HMGA2: variants seen among roughly 807,000 people sequenced by gnomAD.
HMGA2 encodes high mobility group protein HMGI-C.
In HMGA2, 8 loss-of-function variants were observed where a neutral mutation model predicts 19.1. The observed-to-expected ratio is 0.42, with a 90% CI of 0.25 to 0.76. The LOEUF is 0.76. Among genes scored for constraint, HMGA2 ranks in the 30% least tolerant of loss-of-function variants. The pLI is 0.28. For missense variants in HMGA2, 109 were observed against 136.3 expected (o/e 0.80, Z 1.00); for synonymous variants, 60 against 48.8 (o/e 1.23, Z -0.96).
chr12:65,838,068 G>A (rs1212959583), intron 2 of HMGA2, among the ~76,000 whole-genome samples: 1 of 152,056 alleles, frequency 6.6e-6, no homozygotes, highest in Non-Finnish European at 1.5e-5. Flanking sequence ...TTTGTAAATT[G>A]TAAAGTAATA....
intron 3 of HMGA2, chr12:65,915,245 G>A: frequency 1.3e-6 from 2 of 1,560,656 alleles, no homozygotes; most frequent in South Asian, 2.3e-5. Flanking sequence ...CCTATCAGGT[G>A]TCTTTTAGAT....
intron 3 of HMGA2, among the ~76,000 whole-genome samples, chr12:65,864,451 G>C (rs1341432708): frequency 6.6e-6 from 1 of 152,130 alleles, no homozygotes; most frequent in African/African-American, 2.4e-5. Context: ...TAATAGTGTT[G>C]TCTTCCATCT....
intron 3 of HMGA2, among the ~76,000 whole-genome samples, chr12:65,910,100 G>A (rs1646828872): frequency 6.6e-6 from 1 of 152,208 alleles, no homozygotes; most frequent in Non-Finnish European, 1.5e-5. Flanking sequence ...AACTAGAGGA[G>A]CTAAAGACCA....
chr12:65,874,915 G>A (rs1216525775), intron 3 of HMGA2, among the ~76,000 whole-genome samples: 1 of 152,090 alleles, frequency 6.6e-6, no homozygotes, highest in Non-Finnish European at 1.5e-5. Flanking sequence ...TTTTTCCAGA[G>A]CAAGAAAATT....
intron 3 of HMGA2, among the ~76,000 whole-genome samples, chr12:65,893,080 G>C (rs1410737434): frequency 6.6e-6 from 1 of 152,086 alleles, no homozygotes; most frequent in Admixed American, 6.5e-5. Flanking sequence ...ACTGCACCCC[G>C]GTCACAGGCT....
At chr12:65,919,081 C>G (rs1159062639) in intron 3 of HMGA2, among the ~76,000 whole-genome samples, 1 of 152,166 alleles carries the variant, frequency 6.6e-6, no homozygotes, top group Non-Finnish European at 1.5e-5. Context: ...AGAAGATGGG[C>G]AAACATCAGA....
intron 2 of HMGA2, among the ~76,000 whole-genome samples, chr12:65,835,911 C>T (rs1374267540): frequency 6.6e-6 from 1 of 152,176 alleles, no homozygotes; most frequent in Non-Finnish European, 1.5e-5. Flanking sequence ...ACTGGGTTAA[C>T]TGTGCAATCT....
At chr12:65,906,319 C>A (rs1355808569) in intron 3 of HMGA2, among the ~76,000 whole-genome samples, 4 of 152,076 alleles carry the variant, frequency 2.6e-5, no homozygotes, top group African/African-American at 9.7e-5. Flanking sequence ...TGTCAGGGGT[C>A]ACTTGGGGGG....
chr12:65,825,046 T>TCCTCCTCCTCCTCC lies in HMGA2; in HGVS notation c.-220_-207dup, dbSNP rs1870074194. ...CCGCCACCGGCAGCGCCTCCTCCTCTCCTCCTCCTCCTCCCCTCTTCTCTT... is the reference window on the plus strand; with the variant it reads ...CCGCCACCGGCAGCGCCTCCTCCTCTCCTCCTCCTCCTCCCCTCCTCCTCCTCCCCTCTTCTCTT... On this transcript the variant is annotated 5_prime_UTR_variant, in exon 1 of 5. Coordinates refer to ENST00000403681, the MANE Select transcript of HMGA2 (RefSeq NM_003483.6). This position sits in a 1 kb window ranked among gnomAD's most constrained non-coding sequence, Gnocchi z 4.4. 1 of 421,838 alleles carries TCCTCCTCCTCCTCC rather than the reference T, an allele frequency of 2.4e-6. No individual in the cohort carries two copies. Among genetic ancestry groups the TCCTCCTCCTCCTCC allele is most frequent in the Non-Finnish European group, 4.2e-6 (1 of 236,466 alleles). 26.1% of individuals were successfully genotyped at this position (421,838 alleles called of 1,614,324 possible). A position where few individuals can be genotyped will look rare whatever the true frequency, so the allele number is the denominator to read the frequency against.
At chr12:65,921,797 G>C (rs1875324256) in intron 3 of HMGA2, among the ~76,000 whole-genome samples, 1 of 152,206 alleles carries the variant, frequency 6.6e-6, no homozygotes, top group Non-Finnish European at 1.5e-5. Flanking sequence ...AAGTGGTTTT[G>C]TGGGCCAGGC....
intron 3 of HMGA2, among the ~76,000 whole-genome samples, chr12:65,929,024 T>C (rs182473319): frequency 1.6e-4 from 25 of 152,316 alleles, no homozygotes; most frequent in South Asian, 6.2e-4. Context: ...TCTTACCATT[T>C]TAAGAATTGG....
chr12:65,882,778 A>T (rs1214704215), intron 3 of HMGA2, among the ~76,000 whole-genome samples: 1 of 152,254 alleles, frequency 6.6e-6, no homozygotes, highest in African/African-American at 2.4e-5. Context: ...TATGTGAACC[A>T]GAACTTGAGA....
chr12:65,952,427 T>A (rs74097833), intron 4 of HMGA2: 6 of 1,534,344 alleles, frequency 3.9e-6, no homozygotes, highest in African/African-American at 1.4e-5. Flanking sequence ...AAAATGCCAC[T>A]TAGAAGAGAA....
intron 3 of HMGA2, among the ~76,000 whole-genome samples, chr12:65,950,894 T>G (rs1176697816): frequency 1.3e-5 from 2 of 152,208 alleles, no homozygotes; most frequent in African/African-American, 4.8e-5. Context: ...AGATAACCTA[T>G]GTTGTATTTC....
intron 3 of HMGA2, among the ~76,000 whole-genome samples, chr12:65,904,093 A>G (rs545782270): frequency 6.6e-6 from 1 of 152,362 alleles, no homozygotes; most frequent in Admixed American, 6.5e-5. Context: ...GTAAAGCACT[A>G]GTTAATCAGA....
intron 3 of HMGA2, among the ~76,000 whole-genome samples, chr12:65,860,710 T>C (rs1872013681): frequency 6.6e-6 from 1 of 152,190 alleles, no homozygotes; most frequent in South Asian, 2.1e-4. Flanking sequence ...TTTTGTTTTT[T>C]CAAAAAAGTA....
At chr12:65,898,164 G>A (rs142051592) in intron 3 of HMGA2, among the ~76,000 whole-genome samples, 5 of 152,208 alleles carry the variant, frequency 3.3e-5, no homozygotes, top group Non-Finnish European at 5.9e-5. Flanking sequence ...CCAAGGTGTC[G>A]TGATGCTGTT....
intron 3 of HMGA2, among the ~76,000 whole-genome samples, chr12:65,904,922 A>G (rs12425231): frequency 0.04 from 6,102 of 152,130 alleles, 361 homozygotes; most frequent in South Asian, 0.25. Flanking sequence ...GGTGCCTGTA[A>G]TCCCAGCTAC....
intron 3 of HMGA2, among the ~76,000 whole-genome samples, chr12:65,871,655 G>A (rs936922813): frequency 3.9e-5 from 6 of 152,090 alleles, no homozygotes; most frequent in South Asian, 2.1e-4. Flanking sequence ...CTGAAGGTGC[G>A]GTTTTCCCTC....
Sources: gnomAD v4.1 joint callset for allele counts (sites outside exome capture counted in the v4.1 genomes callset) on GRCh38, gnomAD v4.1.1 for gene constraint, Gnocchi (gnomAD v3.1) non-coding constraint, MANE v1.5 for transcripts, NCBI Gene and HGNC (gene_info 2026-07-23, HGNC 2026-07-21) for gene names.